The following LAMA4 variants were observed in gnomAD, a reference collection of about 807,000 sequenced individuals.
The protein encoded by LAMA4 is laminin subunit alpha-4.
A neutral mutation model predicts 207.1 loss-of-function variants in LAMA4; 127 were observed. The ratio of observed to expected loss-of-function variants is 0.61; its 90% CI spans 0.53 to 0.71. The LOEUF is 0.71. LAMA4 is among the 30% of genes least tolerant of loss of function. LAMA4 has a pLI of 0.00. For synonymous variants in LAMA4, 761 were observed against 816.0 expected, an observed-to-expected ratio of 0.93 and a Z score of 1.15; for missense variants, 2,093 against 2,246.5, an observed-to-expected ratio of 0.93 and a Z score of 1.38.
chr6:112,239,138 T>C (rs1405519544), intron 2 of LAMA4, among the ~76,000 whole-genome samples: 2 of 151,938 alleles, frequency 1.3e-5, no homozygotes, highest in South Asian at 2.1e-4. Context: ...CTGGCCAACA[T>C]GGTGAAACCC....
Position 112,225,927 on chromosome 6 carries a change from T to C in LAMA4, c.196-9458A>G, listed in dbSNP as rs1785183596. Among the ~76,000 whole-genome samples the C allele has an allele frequency of 2.0e-5, 3 of 152,218 alleles. No homozygotes were observed. The South Asian group carries it at 6.2e-4, about 32-fold the overall frequency. On this transcript the variant is annotated intron_variant, in intron 2 of 38. Coordinates refer to ENST00000230538, the MANE Select transcript of LAMA4 (RefSeq NM_001105206.3). ...GACTGAGTTTTAGTAAGTTTTATTGTTGTTTTTAAATTCTCTACACATAAT... is the reference window on the plus strand; with the variant it reads ...GACTGAGTTTTAGTAAGTTTTATTGCTGTTTTTAAATTCTCTACACATAAT...
intron 3 of LAMA4, among the ~76,000 whole-genome samples, chr6:112,211,543 A>C (rs1264630355): frequency 6.6e-6 from 1 of 152,222 alleles, no homozygotes; most frequent in Non-Finnish European, 1.5e-5. Context: ...CTTGTGAAGA[A>C]AAGAGACAGG....
At chr6:112,156,982 T>A (rs1341712568) in intron 14 of LAMA4, among the ~76,000 whole-genome samples, 8 of 152,290 alleles carry the variant, frequency 5.3e-5, no homozygotes, top group African/African-American at 1.9e-4. Context: ...GGTATTAATC[T>A]TTATACCAAT....
intron 12 of LAMA4, among the ~76,000 whole-genome samples, chr6:112,168,128 G>A (rs1423058865): frequency 6.6e-6 from 1 of 151,130 alleles, no homozygotes; most frequent in Non-Finnish European, 1.5e-5. Flanking sequence ...AACCCGGGAG[G>A]CAGAGCTTGC....
intron 3 of LAMA4, 96 bp from the exon 4 acceptor site, chr6:112,207,241 G>T: frequency 1.5e-6 from 2 of 1,357,096 alleles, no homozygotes; most frequent in Non-Finnish European, 2.1e-6. Context: ...AAGCAAAAGG[G>T]ACATCAGATC....
intron 19 of LAMA4, among the ~76,000 whole-genome samples, chr6:112,142,518 T>A (rs1012991317): frequency 2.6e-5 from 4 of 152,092 alleles, no homozygotes; most frequent in Admixed American, 6.5e-5. Flanking sequence ...ACTAAGTAGA[T>A]CCAAGAATGA....
intron 18 of LAMA4, among the ~76,000 whole-genome samples, chr6:112,146,988 G>A (rs1235690049): frequency 1.3e-5 from 2 of 152,122 alleles, no homozygotes; most frequent in Non-Finnish European, 2.9e-5. Context: ...CTTAGAAAAA[G>A]GGAGCCACCT....
At chr6:112,206,951 A>G (rs1368620872) in intron 4 of LAMA4, 70 bp downstream of exon 4, 43 of 1,473,190 alleles carry the variant, frequency 2.9e-5, no homozygotes, top group Non-Finnish European at 4.0e-5. Flanking sequence ...ATAAGGCAAA[A>G]CAAAACAAAA....
chr6:112,219,780 A>G (rs1554359921), intron 2 of LAMA4, among the ~76,000 whole-genome samples: 1 of 152,210 alleles, frequency 6.6e-6, no homozygotes, highest in Non-Finnish European at 1.5e-5. Context: ...CTCACTTGAC[A>G]CCACAGTAGC....
At chr6:112,113,492 G>A (rs1777825870) in intron 38 of LAMA4, among the ~76,000 whole-genome samples, 1 of 152,184 alleles carries the variant, frequency 6.6e-6, no homozygotes, top group African/African-American at 2.4e-5. Flanking sequence ...TTTGTGTGTT[G>A]TCCATAAGTG....
chr6:112,180,540 T>C (rs929124), intron 9 of LAMA4, among the ~76,000 whole-genome samples: 100,758 of 152,104 alleles, frequency 0.66, 33,822 homozygotes, highest in East Asian at 0.83. Context: ...AATTACCTTG[T>C]AACTGTAAAC....
intron 2 of LAMA4, among the ~76,000 whole-genome samples, chr6:112,228,977 A>G (rs1554363607): frequency 6.6e-6 from 1 of 152,164 alleles, no homozygotes; most frequent in Non-Finnish European, 1.5e-5. Context: ...GGTCCAGCAG[A>G]TGTGCGAAGT....
chr6:112,126,026 T>A (rs539002724), intron 31 of LAMA4, among the ~76,000 whole-genome samples: 5 of 152,230 alleles, frequency 3.3e-5, no homozygotes, highest in Non-Finnish European at 7.3e-5. Flanking sequence ...AATTGAAATC[T>A]ATGGTGATTC....
At chr6:112,135,108 G>GGT (rs55812235) in intron 25 of LAMA4, among the ~76,000 whole-genome samples, 40,718 of 150,916 alleles carry the variant, frequency 0.27, 5,520 homozygotes, top group East Asian at 0.34. Context: ...GTCCCTTTGT[G>GGT]GTGTGTGTGT....
chr6:112,245,035 AT>A (rs1786809173), intron 2 of LAMA4, among the ~76,000 whole-genome samples: 1 of 152,230 alleles, frequency 6.6e-6, no homozygotes, highest in Non-Finnish European at 1.5e-5. Flanking sequence ...TATTCAGACC[AT>A]TTAATCTCCA....
chr6:112,227,148 C>T (rs563017857), intron 2 of LAMA4, among the ~76,000 whole-genome samples: 4 of 151,856 alleles, frequency 2.6e-5, no homozygotes, highest in South Asian at 2.1e-4. Context: ...CTCAGCTCAC[C>T]GCAACCTCTG....
At chr6:112,135,297 T>C (rs1214494766) in intron 25 of LAMA4, among the ~76,000 whole-genome samples, 2 of 152,224 alleles carry the variant, frequency 1.3e-5, no homozygotes, top group Non-Finnish European at 2.9e-5. Context: ...CCCTAACCCC[T>C]GGTGACCCCT....
chr6:112,212,898 C>T (rs1347951279), intron 3 of LAMA4, among the ~76,000 whole-genome samples: 4 of 152,144 alleles, frequency 2.6e-5, no homozygotes, highest in African/African-American at 7.2e-5. Context: ...CTGCCTTACA[C>T]AGTAATAAAA....
chr6:112,139,090 A>C (rs1779523883), intron 24 of LAMA4, 30 bp downstream of exon 24: 2 of 1,603,876 alleles, frequency 1.2e-6, no homozygotes, highest in Admixed American at 3.3e-5. Context: ...GAAATAAAGG[A>C]GAAGTAGTAG....
Sources: allele counts gnomAD v4.1 joint callset (sites outside exome capture counted in the v4.1 genomes callset), GRCh38; gene constraint gnomAD v4.1.1; transcripts MANE v1.5; gene names NCBI Gene and HGNC (gene_info 2026-07-23, HGNC 2026-07-21).